GGT5: variants seen among roughly 807,000 people sequenced by gnomAD.
The protein encoded by GGT5 is gamma-glutamyltransferase 5.
GGT5 carries 50 observed loss-of-function variants against 58.1 expected under a neutral mutation model. That is an observed-to-expected ratio of 0.86 (90% CI 0.69 to 1.09). The LOEUF (loss-of-function observed/expected upper bound fraction) is 1.09. Ranked by LOEUF, GGT5 falls within the 50% of genes least tolerant of loss-of-function variation. The pLI, the probability that GGT5 is intolerant of heterozygous loss-of-function variation, is 0.00. For synonymous variants in GGT5, 370 were observed against 346.1 expected, an observed-to-expected ratio of 1.07 and a Z score of -0.77; for missense variants, 800 against 789.4, an observed-to-expected ratio of 1.01 and a Z score of -0.16.
chr22:24,244,266 C>A, intron 1 of GGT5: 3 of 391,576 alleles, frequency 7.7e-6, no homozygotes, highest in Non-Finnish European at 1.4e-5. Flanking sequence ...CACACACACA[C>A]GGCTCCTGCT....
At chr22:24,225,163 G>A in intron 10 of GGT5, 57 bp from the exon 11 acceptor site, 2 of 1,573,664 alleles carry the variant, frequency 1.3e-6, no homozygotes, top group Non-Finnish European at 1.7e-6. Flanking sequence ...CCCTACATCA[G>A]CCCTCACATC....
At chr22:24,231,636 T>C in intron 5 of GGT5, 106 bp from the exon 6 acceptor site, 1 of 1,173,892 alleles carries the variant, frequency 8.5e-7, no homozygotes, top group Non-Finnish European at 1.2e-6. Context: ...TGCTTTTGCC[T>C]TGTGGACACA....
intron 1 of GGT5, 75 bp downstream of exon 1, chr22:24,244,478 A>T (rs2048417738): frequency 4.0e-6 from 5 of 1,265,092 alleles, no homozygotes; most frequent in Non-Finnish European, 5.7e-6. Context: ...ACTCACACAC[A>T]CACACACACA....
At chr22:24,220,471 G>T (rs925666671) in intron 11 of GGT5, 2 of 477,872 alleles carry the variant, frequency 4.2e-6, no homozygotes, top group African/African-American at 3.9e-5. Context: ...AGACACTGAG[G>T]CCAGACACAG....
intron 5 of GGT5, 103 bp downstream of exon 5, chr22:24,231,948 C>A: frequency 3.1e-6 from 3 of 968,570 alleles, no homozygotes; most frequent in Admixed American, 2.0e-5. Flanking sequence ...GCACTGCCTG[C>A]ACTCCCTCAG....
chr22:24,231,921 G>T, intron 5 of GGT5, 130 bp downstream of exon 5: 1 of 749,850 alleles, frequency 1.3e-6, no homozygotes, highest in Non-Finnish European at 2.2e-6. Flanking sequence ...TAGGTGCATG[G>T]CCTCTCGGGG....
At chr22:24,232,353 G>A (rs1304248669) in intron 4 of GGT5, 145 bp from the exon 5 acceptor site, 2 of 560,758 alleles carry the variant, frequency 3.6e-6, no homozygotes, top group Admixed American at 6.7e-5. Flanking sequence ...GGACACCGGG[G>A]AACTGATTCT....
intron 8 of GGT5, 86 bp from the exon 9 acceptor site, chr22:24,225,738 C>G: frequency 1.2e-6 from 1 of 818,768 alleles, no homozygotes; most frequent in East Asian, 2.6e-5. Context: ...GCAGGACCCC[C>G]TCGTTTTACA....
At chr22:24,240,042 C>T (rs1423110265) in intron 1 of GGT5, among the ~76,000 whole-genome samples, 1 of 152,096 alleles carries the variant, frequency 6.6e-6, no homozygotes, top group African/African-American at 2.4e-5. Flanking sequence ...ACCAAGATTG[C>T]TCCACTGCAC....
intron 9 of GGT5, 46 bp from the exon 10 acceptor site, chr22:24,225,457 G>A: frequency 1.9e-6 from 3 of 1,608,384 alleles, no homozygotes; most frequent in South Asian, 1.1e-5. Flanking sequence ...CCCATCCAGG[G>A]GTTAGCATGC....
chr22:24,230,776 CT>C (rs1289822938), intron 6 of GGT5, among the ~76,000 whole-genome samples: 4 of 152,244 alleles, frequency 2.6e-5, no homozygotes, highest in South Asian at 2.1e-4. Context: ...CTTTGAGAGC[CT>C]TGTTCTGTTT....
In GGT5 at chr22:24,220,328, G is replaced by A. The variant is rs552756354; in HGVS notation, c.1615-212C>T. ...AGCTCAGCCTCCAGGGACTATGTAC[G>A]AAGGACACCACCCAGGCCCGAAGAC... is the stretch of plus-strand genomic sequence containing the variant. On this transcript the variant is annotated intron_variant, in intron 11 of 11. Coordinates refer to ENST00000327365, the MANE Select transcript of GGT5 (RefSeq NM_004121.5). Among the ~76,000 whole-genome samples the A allele has an allele frequency of 5.9e-5, 9 of 152,320 alleles. No individual in the cohort carries two copies. The East Asian group carries it at 1.4e-3, about 23-fold the overall frequency.
chr22:24,225,740 C>T (rs1036855208), intron 8 of GGT5, 88 bp from the exon 9 acceptor site: 27 of 801,986 alleles, frequency 3.4e-5, no homozygotes, highest in African/African-American at 8.4e-5. Context: ...AGGACCCCCT[C>T]GTTTTACAGC....
chr22:24,231,418 AC>A lies in GGT5; in HGVS notation c.866del (p.Gly289ValfsTer11), dbSNP rs2047935740. On this transcript the variant is annotated frameshift_variant, in exon 6 of 12. Coordinates refer to ENST00000327365, the MANE Select transcript of GGT5 (RefSeq NM_004121.5). LOFTEE classifies it high-confidence loss of function. ...CGTTGAGGATAAAGCTGAGAATGGC[AC>A]CCCCTGCAGGCGGCGGTGGTGAGTA... ...TLYSPPPPAGGAILSFILNVL... is the reference protein window; with the variant it reads ...TLYSPPPPAGXAILSFILNVL... 11 of 1,552,718 alleles carry A rather than the reference AC, an allele frequency of 7.1e-6. No homozygotes were observed. The highest frequency in any genetic ancestry group is 9.6e-6 in the Non-Finnish European group (11 of 1,148,576).
At chr22:24,223,964 T>C (rs1011354133) in intron 11 of GGT5, among the ~76,000 whole-genome samples, 25 of 151,776 alleles carry the variant, frequency 1.6e-4, no homozygotes, top group African/African-American at 5.6e-4. Flanking sequence ...GGTTTTACCA[T>C]GTTGGCCAGG....
chr22:24,225,521 C>T (rs1030702214), intron 9 of GGT5, 25 bp downstream of exon 9: 2 of 1,593,292 alleles, frequency 1.3e-6, no homozygotes, highest in Non-Finnish European at 8.6e-7. Context: ...CCTTGTGGAC[C>T]CCGGGTGGGA....
At chr22:24,234,168 C>G (rs537864377) in intron 1 of GGT5, among the ~76,000 whole-genome samples, 164 bp from the exon 2 acceptor site, 1 of 152,362 alleles carries the variant, frequency 6.6e-6, no homozygotes, top group South Asian at 2.1e-4. Context: ...CCCATCAAAT[C>G]CAGCTGCTCA....
At chr22:24,237,325 T>G (rs1272424837) in intron 1 of GGT5, among the ~76,000 whole-genome samples, 2 of 152,152 alleles carry the variant, frequency 1.3e-5, no homozygotes, top group African/African-American at 4.8e-5. Flanking sequence ...GAGCACTGGA[T>G]CCAGCTTCAA....
At chr22:24,225,513 T>C (rs2148892508) in intron 9 of GGT5, 33 bp downstream of exon 9, 2 of 1,574,340 alleles carry the variant, frequency 1.3e-6, no homozygotes, top group Non-Finnish European at 1.7e-6. Flanking sequence ...TGGGGGGCCC[T>C]TGTGGACCCC....
Sources: allele counts gnomAD v4.1 joint callset (sites outside exome capture counted in the v4.1 genomes callset), GRCh38; gene constraint gnomAD v4.1.1; transcripts MANE v1.5; gene names NCBI Gene and HGNC (gene_info 2026-07-23, HGNC 2026-07-21).